The following GRIN2A variants were observed in gnomAD, a reference collection of about 807,000 sequenced individuals.
GRIN2A encodes glutamate ionotropic receptor NMDA type subunit 2A, also known as glutamate receptor ionotropic, NMDA 2A.
Under a neutral mutation model 113.4 loss-of-function variants are expected in GRIN2A, and 22 were observed. That is an observed-to-expected ratio of 0.19 (90% confidence interval 0.14 to 0.28). The LOEUF (loss-of-function observed/expected upper bound fraction) is 0.28. GRIN2A is among the 10% of genes least tolerant of loss of function. The probability of loss-of-function intolerance (pLI) is 1.00; values close to 1 mark genes in which losing one functional copy is unlikely to be tolerated. For synonymous variants in GRIN2A, 827 were observed against 738.4 expected, an observed-to-expected ratio of 1.12 and a Z score of -1.94; for missense variants, 1,502 against 1,887.0, an observed-to-expected ratio of 0.80 and a Z score of 3.78.
chr16:9,908,356 AGTTTTGTTTT>A (rs142839965), intron 3 of GRIN2A, among the ~76,000 whole-genome samples: 9 of 151,870 alleles, frequency 5.9e-5, no homozygotes, highest in East Asian at 1.9e-4. Flanking sequence ...GTGGAGGAGG[AGTTTTGTTTT>A]GTTTTGTTTT....
intron 2 of GRIN2A, among the ~76,000 whole-genome samples, chr16:9,972,919 C>A (rs1222329005): frequency 1.3e-5 from 2 of 152,156 alleles, no homozygotes; most frequent in African/African-American, 4.8e-5. Flanking sequence ...ATACAGGGAT[C>A]AGAGTTTTTA....
At chr16:10,167,190 A>C (rs892722903) in intron 2 of GRIN2A, among the ~76,000 whole-genome samples, 1 of 152,164 alleles carries the variant, frequency 6.6e-6, no homozygotes, top group African/African-American at 2.4e-5. Flanking sequence ...AGGGTCTGTG[A>C]TCCCCTGAAA....
intron 11 of GRIN2A, among the ~76,000 whole-genome samples, chr16:9,772,006 G>GA (rs1378802465): frequency 2.6e-5 from 4 of 151,460 alleles, no homozygotes; most frequent in Non-Finnish European, 2.9e-5. Context: ...GTATTAACCA[G>GA]AAAAAAAAGC....
At chr16:9,957,976 A>G (rs1351179588) in intron 2 of GRIN2A, among the ~76,000 whole-genome samples, 8 of 152,160 alleles carry the variant, frequency 5.3e-5, no homozygotes, top group Non-Finnish European at 4.4e-5. Flanking sequence ...TTGATTGTGC[A>G]TGCTTCTCTA....
chr16:9,957,387 A>G (rs930648200), intron 2 of GRIN2A, among the ~76,000 whole-genome samples: 1 of 152,202 alleles, frequency 6.6e-6, no homozygotes, highest in Non-Finnish European at 1.5e-5. Flanking sequence ...TGGACCACCC[A>G]AGGAAGAACA....
intron 2 of GRIN2A, among the ~76,000 whole-genome samples, chr16:10,057,324 A>G (rs1027322102): frequency 1.3e-5 from 2 of 152,188 alleles, no homozygotes; most frequent in Admixed American, 6.5e-5. Flanking sequence ...CTGAACTTCA[A>G]GGTAAGTTCC....
rs1226504903 is a variant in GRIN2A, at chr16:9,759,966, T to G, written c.*3183A>C. 1 of 231,200 alleles carries G rather than the reference T, an allele frequency of 4.3e-6. No homozygotes were observed. The allele number at this position is 231,200 out of a possible 1,614,324, so 14.3% of individuals were successfully genotyped here. On this transcript the variant is annotated 3_prime_UTR_variant, in exon 13 of 13. Coordinates refer to ENST00000330684, the MANE Select transcript of GRIN2A (RefSeq NM_001134407.3). Reference sequence around the variant, plus strand: ...GGTTGCATGTGCGTGCTATTACCCATGGACAGAGACCCAACCGTTTGCATT... The same window carrying G: ...GGTTGCATGTGCGTGCTATTACCCAGGGACAGAGACCCAACCGTTTGCATT...
intron 2 of GRIN2A, among the ~76,000 whole-genome samples, chr16:10,138,713 T>A (rs1241272550): frequency 6.6e-6 from 1 of 152,120 alleles, no homozygotes; most frequent in Non-Finnish European, 1.5e-5. Context: ...GGGGTAAGAA[T>A]AGTGCCAGCA....
At chr16:10,153,191 A>AGGG (rs2049619953) in intron 2 of GRIN2A, among the ~76,000 whole-genome samples, 1 of 152,200 alleles carries the variant, frequency 6.6e-6, no homozygotes, top group East Asian at 1.9e-4. Context: ...AGGGATGGCT[A>AGGG]TTCATGTGTA....
Position 9,759,738 on chromosome 16 carries a change from T to C in GRIN2A, c.*3411A>G. The C allele has an allele frequency of 4.4e-6, 1 of 228,202 alleles. No homozygotes were observed. Among genetic ancestry groups the C allele is most frequent in the East Asian group, 6.3e-5 (1 of 15,966 alleles). The allele number at this position is 228,202 out of a possible 1,614,324, so 14.1% of individuals were successfully genotyped here. On this transcript the variant is annotated 3_prime_UTR_variant, in exon 13 of 13. Coordinates refer to ENST00000330684, the MANE Select transcript of GRIN2A (RefSeq NM_001134407.3). Reference sequence around the variant, plus strand: ...CAGAGGACATAACAGTAATGAGTGGTGAGATTGTGAGATTATAATCCTGCA... The same window carrying C: ...CAGAGGACATAACAGTAATGAGTGGCGAGATTGTGAGATTATAATCCTGCA...
chr16:10,030,320 C>T (rs1026148356), intron 2 of GRIN2A, among the ~76,000 whole-genome samples: 2 of 152,158 alleles, frequency 1.3e-5, no homozygotes, highest in Non-Finnish European at 2.9e-5. Context: ...GTTTCCTATG[C>T]CCTTCTCTGC....
In GRIN2A at chr16:9,770,344, C is replaced by T. The variant is rs754884756; in HGVS notation, c.2357-1255G>A. On this transcript the variant is annotated intron_variant, in intron 11 of 12. Transcript: ENST00000330684. The stretch of plus-strand genomic sequence containing the variant: ...AATACTCCAAATGTTTATATCAATT[C>T]TCTTTGAAGAAGTCAATCAAAATGA... 1.3e-5 allele frequency among the ~76,000 whole-genome samples: 2 copies of T among 152,160 alleles called. 1 individual carries two copies. The highest frequency in any genetic ancestry group is 1.3e-4 in the Admixed American group (2 of 15,274).
chr16:10,144,098 C>T (rs2049382277), intron 2 of GRIN2A, among the ~76,000 whole-genome samples: 1 of 152,180 alleles, frequency 6.6e-6, no homozygotes, highest in Non-Finnish European at 1.5e-5. Flanking sequence ...GGGATATGTA[C>T]CCAGAAGTGG....
At chr16:9,915,030 G>A (rs537398639) in intron 3 of GRIN2A, among the ~76,000 whole-genome samples, 5 of 140,102 alleles carry the variant, frequency 3.6e-5, no homozygotes, top group Middle Eastern at 3.8e-3. Flanking sequence ...TCCGCCTCCC[G>A]GGTTCACGCC....
At chr16:10,061,620 G>C (rs2047551809) in intron 2 of GRIN2A, among the ~76,000 whole-genome samples, 1 of 152,196 alleles carries the variant, frequency 6.6e-6, no homozygotes, top group South Asian at 2.1e-4. Context: ...GTCTGGGGCA[G>C]AGAGAGGTGG....
chr16:9,944,009 C>T (rs1219150119), intron 2 of GRIN2A, among the ~76,000 whole-genome samples: 1 of 152,118 alleles, frequency 6.6e-6, no homozygotes, highest in Non-Finnish European at 1.5e-5. Context: ...CTGATAAGTA[C>T]TTGGGGAAGG....
rs150214862 is a variant in GRIN2A, at chr16:9,996,128, G to C, written c.415-57577C>G. ...ATTTGGAAAGTAAAGAAACTAAGGA[G>C]AAAGAAGTATGGAAATAAAATAATA... On this transcript the variant is annotated intron_variant, in intron 2 of 12. Coordinates refer to ENST00000330684, the MANE Select transcript of GRIN2A (RefSeq NM_001134407.3). 7.8e-3 allele frequency among the ~76,000 whole-genome samples: 1,169 copies of C among 150,370 alleles called. 14 individuals are homozygous for C. The highest frequency in any genetic ancestry group is 0.027 in the African/African-American group (1,111 of 40,900).
intron 2 of GRIN2A, among the ~76,000 whole-genome samples, chr16:10,066,163 C>T (rs184084871): frequency 1.1e-3 from 174 of 152,288 alleles, no homozygotes; most frequent in African/African-American, 2.9e-3. Flanking sequence ...TCATATCCCC[C>T]GGTGTTGGAG....
chr16:9,796,685 C>T (rs775346074), intron 11 of GRIN2A, among the ~76,000 whole-genome samples: 6 of 152,158 alleles, frequency 3.9e-5, no homozygotes, highest in Admixed American at 3.9e-4. Context: ...CTTTTCAGCC[C>T]GAGACACAGC....
Sources: allele counts gnomAD v4.1 joint callset (sites outside exome capture counted in the v4.1 genomes callset), GRCh38; gene constraint gnomAD v4.1.1; transcripts MANE v1.5; gene names NCBI Gene and HGNC (gene_info 2026-07-23, HGNC 2026-07-21).